Variants in CTXND1 observed in about 807,000 individuals in gnomAD.
The protein encoded by CTXND1 is cortexin domain containing 1.
intron 1 of CTXND1, among the ~76,000 whole-genome samples, chr15:80,222,835 C>T (rs1204181242): frequency 6.6e-6 from 1 of 152,034 alleles, no homozygotes; most frequent in African/African-American, 2.4e-5. Context: ...TTTTCTTTTA[C>T]AATGGATTCA....
intron 1 of CTXND1, among the ~76,000 whole-genome samples, chr15:80,205,232 T>G (rs1893136205): frequency 6.6e-6 from 1 of 152,264 alleles, no homozygotes; most frequent in African/African-American, 2.4e-5. Context: ...TATCCCATAG[T>G]AAATTCAACC....
chr15:80,221,454 G>A (rs1052646258), intron 1 of CTXND1, among the ~76,000 whole-genome samples: 2 of 152,096 alleles, frequency 1.3e-5, no homozygotes, highest in Admixed American at 6.5e-5. Flanking sequence ...ATGGTGGCAC[G>A]TGCCTTAAAT....
At chr15:80,243,754 C>T (rs2141465239) in intron 1 of CTXND1, among the ~76,000 whole-genome samples, 1 of 152,252 alleles carries the variant, frequency 6.6e-6, no homozygotes, top group Admixed American at 6.5e-5. Context: ...GGACTTAGTC[C>T]ACCAGTCACA....
rs1010760946 is a variant in CTXND1 at position 80,196,604 on chromosome 15, C to A, written c.*5166G>T. The A allele has an allele frequency of 2.0e-5, 3 of 152,178 alleles. No individual in the cohort carries two copies. The highest frequency in any genetic ancestry group is 4.4e-5 in the Non-Finnish European group (3 of 68,050). The allele number at this position is 152,178 out of a possible 1,614,324, so 9.4% of individuals were successfully genotyped here. ...GAGTGGGACTAAATTGCTATCACCC[C>A]CAGACAATATGGCTGCTGGTGAGAT... On this transcript the variant is annotated 3_prime_UTR_variant, in exon 3 of 3. Transcript: ENST00000560778.
chr15:80,221,280 CCTTT>C (rs1169170854), intron 1 of CTXND1, among the ~76,000 whole-genome samples: 2 of 152,206 alleles, frequency 1.3e-5, no homozygotes, highest in African/African-American at 4.8e-5. Flanking sequence ...CAGTTTTGTC[CCTTT>C]CTTTGCACAT....
chr15:80,203,453 T>C (rs1014086671), intron 2 of CTXND1, 136 bp downstream of exon 2: 2 of 152,224 alleles, frequency 1.3e-5, no homozygotes, highest in African/African-American at 2.4e-5. Context: ...CCCCACCCAC[T>C]CTGGAGCTTC....
rs1175741712 is a variant in CTXND1, at chr15:80,197,667, C to T, written c.*4103G>A. ...GGCACATGGATGTGGACCCAGATAA[C>T]TCTGTTTGGGCACCTCTCCACAGGC... On this transcript the variant is annotated 3_prime_UTR_variant, in exon 3 of 3. Transcript: ENST00000560778. 2 of 152,266 alleles carry T rather than the reference C, an allele frequency of 1.3e-5. No individual in the cohort carries two copies. The highest frequency in any genetic ancestry group is 2.9e-5 in the Non-Finnish European group (2 of 68,096). The allele number at this position is 152,266 out of a possible 1,614,324, so 9.4% of individuals were successfully genotyped here.
intron 1 of CTXND1, among the ~76,000 whole-genome samples, chr15:80,234,259 C>T (rs538986007): frequency 3.3e-5 from 5 of 152,188 alleles, no homozygotes; most frequent in Admixed American, 1.3e-4. Context: ...AGAGGCTGTT[C>T]GTCTGAGACC....
chr15:80,224,718 T>C (rs947047015), intron 1 of CTXND1, among the ~76,000 whole-genome samples: 1 of 152,156 alleles, frequency 6.6e-6, no homozygotes, highest in Non-Finnish European at 1.5e-5. Context: ...TATTTAGATT[T>C]TTCGTATTTT....
intron 1 of CTXND1, among the ~76,000 whole-genome samples, chr15:80,215,911 G>C (rs1411323304): frequency 1.3e-5 from 2 of 152,140 alleles, no homozygotes; most frequent in African/African-American, 2.4e-5. Context: ...GAAGTGGGTG[G>C]AGTCTCAATC....
intron 1 of CTXND1, among the ~76,000 whole-genome samples, chr15:80,243,365 C>T (rs1893591796): frequency 6.6e-6 from 1 of 152,142 alleles, no homozygotes; most frequent in South Asian, 2.1e-4. Flanking sequence ...ACTCCCTTTG[C>T]CAGTTGTCAC....
intron 1 of CTXND1, among the ~76,000 whole-genome samples, chr15:80,206,676 A>G (rs1391079870): frequency 6.6e-6 from 1 of 152,104 alleles, no homozygotes; most frequent in Non-Finnish European, 1.5e-5. Flanking sequence ...TGAATTGTCA[A>G]CTTTAGATGT....
At chr15:80,220,038 T>C (rs567884694) in intron 1 of CTXND1, among the ~76,000 whole-genome samples, 2 of 152,268 alleles carry the variant, frequency 1.3e-5, no homozygotes, top group African/African-American at 4.8e-5. Flanking sequence ...TCTTTTCTTT[T>C]ATAATTTTTG....
chr15:80,216,464 T>G (rs1355341932), intron 1 of CTXND1, among the ~76,000 whole-genome samples: 3 of 152,172 alleles, frequency 2.0e-5, no homozygotes, highest in African/African-American at 7.2e-5. Context: ...TTGACAACTG[T>G]TACATAGCAG....
At chr15:80,226,310 T>A (rs551998864) in intron 1 of CTXND1, among the ~76,000 whole-genome samples, 1 of 152,370 alleles carries the variant, frequency 6.6e-6, no homozygotes, top group African/African-American at 2.4e-5. Context: ...TGCTGAGGTC[T>A]CAGGAGGGTC....
chr15:80,239,028 T>A (rs1349873262), intron 1 of CTXND1, among the ~76,000 whole-genome samples: 1 of 152,194 alleles, frequency 6.6e-6, no homozygotes, highest in Non-Finnish European at 1.5e-5. Context: ...GAACTGAATC[T>A]TCCGTTTTCT....
chr15:80,220,099 CATCTATCTATCTATCTATCT>C (rs3974511), intron 1 of CTXND1, among the ~76,000 whole-genome samples: 67 of 146,704 alleles, frequency 4.6e-4, no homozygotes, highest in East Asian at 1.6e-3. Flanking sequence ...AATATACTCT[CATCTATCTATCTATCTATCT>C]ATCTATCTAT....
chr15:80,219,032 A>C (rs1893284353), intron 1 of CTXND1, among the ~76,000 whole-genome samples: 1 of 288 alleles, frequency 3.5e-3, no homozygotes, highest in Admixed American at 0.062. Flanking sequence ...CCCAGGCTCA[A>C]GGGACCCACC....
chr15:80,222,770 T>TA (rs1567131474), intron 1 of CTXND1, among the ~76,000 whole-genome samples: 1 of 152,188 alleles, frequency 6.6e-6, no homozygotes, highest in African/African-American at 2.4e-5. Flanking sequence ...GCATCTTTTT[T>TA]AAAAAATTAT....
Sources: gnomAD v4.1 joint callset for allele counts (sites outside exome capture counted in the v4.1 genomes callset) on GRCh38, gnomAD v4.1.1 for gene constraint, MANE v1.5 for transcripts, NCBI Gene and HGNC (gene_info 2026-07-23, HGNC 2026-07-21) for gene names.